CSMD3: variants seen among roughly 807,000 people sequenced by gnomAD.
The protein encoded by CSMD3 is CUB and sushi domain-containing protein 3.
Under a neutral mutation model 435.2 loss-of-function variants are expected in CSMD3, and 177 were observed. That is an observed-to-expected ratio of 0.41 (90% CI 0.36 to 0.46). The LOEUF (loss-of-function observed/expected upper bound fraction) is 0.46, where lower values mean the gene tolerates loss of function less well. Ranked by LOEUF, CSMD3 falls within the 20% of genes least tolerant of loss-of-function variation. CSMD3 has a pLI of 0.34. For missense variants in CSMD3, 4,265 were observed against 4,504.6 expected, an observed-to-expected ratio of 0.95 and a Z score of 1.52; for synonymous variants, 1,656 against 1,520.5, an observed-to-expected ratio of 1.09 and a Z score of -2.07.
intron 3 of CSMD3, among the ~76,000 whole-genome samples, chr8:113,270,184 A>G (rs1384905810): frequency 6.6e-6 from 1 of 152,174 alleles, no homozygotes; most frequent in African/African-American, 2.4e-5. Flanking sequence ...GAAGATATTT[A>G]TGTAGCCAAC....
intron 4 of CSMD3, among the ~76,000 whole-genome samples, chr8:113,156,331 T>A (rs908198433): frequency 6.6e-6 from 1 of 152,106 alleles, no homozygotes; most frequent in Non-Finnish European, 1.5e-5. Flanking sequence ...CAGACATTTT[T>A]AATAGAAACA....
chr8:112,302,649 G>A (rs1479245081), intron 52 of CSMD3, among the ~76,000 whole-genome samples: 1 of 151,898 alleles, frequency 6.6e-6, no homozygotes, highest in Non-Finnish European at 1.5e-5. Context: ...CTTGTATTAT[G>A]TACTAGGTGC....
chr8:113,055,305 C>T (rs532507852), intron 5 of CSMD3, among the ~76,000 whole-genome samples: 1 of 152,180 alleles, frequency 6.6e-6, no homozygotes, highest in Admixed American at 6.6e-5. Flanking sequence ...GTTAAGCCAC[C>T]GCGCCCGGCC....
intron 1 of CSMD3, among the ~76,000 whole-genome samples, chr8:113,401,514 T>C (rs1220110818): frequency 6.6e-6 from 1 of 151,678 alleles, no homozygotes. Flanking sequence ...TCGCCTACAT[T>C]TCACATATTG....
intron 5 of CSMD3, among the ~76,000 whole-genome samples, chr8:113,075,778 G>A (rs2089310321): frequency 6.6e-6 from 1 of 151,510 alleles, no homozygotes; most frequent in African/African-American, 2.4e-5. Flanking sequence ...GACCCTTATA[G>A]GAAAGCAAAT....
intron 22 of CSMD3, among the ~76,000 whole-genome samples, chr8:112,607,390 A>T (rs1832883611): frequency 6.6e-6 from 1 of 152,246 alleles, no homozygotes; most frequent in Admixed American, 6.5e-5. Context: ...TTCATTGTAG[A>T]ATTTTATTTA....
intron 5 of CSMD3, among the ~76,000 whole-genome samples, chr8:113,096,385 T>C (rs1287526075): frequency 6.6e-6 from 1 of 152,144 alleles, no homozygotes; most frequent in African/African-American, 2.4e-5. Context: ...TTTCTCCAAC[T>C]TCACATTTCA....
intron 13 of CSMD3, among the ~76,000 whole-genome samples, chr8:112,729,152 G>T: frequency 6.6e-6 from 1 of 151,954 alleles, no homozygotes; most frequent in East Asian, 1.9e-4. Context: ...AGATGATTTT[G>T]TCAAAGTACA....
Position 112,650,296 on chromosome 8 carries a change from G to A in CSMD3, c.3058C>T (p.Arg1020Cys), listed in dbSNP as rs771285913. 22 of 1,613,582 alleles carry A rather than the reference G, an allele frequency of 1.4e-5. No homozygotes were observed. The highest frequency in any genetic ancestry group is 4.0e-5 in the African/African-American group (3 of 74,846). ...ATGGAGAAATCATGACCATAGCGAC[G>A]GCCATGTACAGGTATGCCAGGGTCC... ...CLDPGIPVHG[R>C]RYGHDFSIGS... The change falls in exon 19 of 71, where the codon CGT (arginine) becomes TGT (cysteine). Residue 1020 changes from arginine (R) to cysteine (C), a missense_variant. By Grantham distance (180) the Arg-to-Cys change is radical (BLOSUM62 -3). Around this residue, in one of 3 missense-constraint regions of CSMD3, gnomAD observed 3,255 missense variants for 3,380.2 expected, o/e 0.96. Coordinates refer to ENST00000297405, the MANE Select transcript of CSMD3 (RefSeq NM_198123.2).
chr8:112,963,905 C>T (rs1192761049), intron 7 of CSMD3, among the ~76,000 whole-genome samples: 2 of 151,776 alleles, frequency 1.3e-5, no homozygotes, highest in East Asian at 1.9e-4. Context: ...AATAAGCTAC[C>T]TAAGACATTT....
chr8:112,900,001 T>C (rs2082067690), intron 10 of CSMD3, among the ~76,000 whole-genome samples: 1 of 151,232 alleles, frequency 6.6e-6, no homozygotes, highest in South Asian at 2.1e-4. Context: ...ATTTCTTATT[T>C]GTAATTCCTT....
chr8:113,365,563 A>G (rs2094305727), intron 1 of CSMD3, among the ~76,000 whole-genome samples: 1 of 152,042 alleles, frequency 6.6e-6, no homozygotes, highest in Non-Finnish European at 1.5e-5. Context: ...CTTATGTTGT[A>G]TTTTTAAACT....
chr8:112,865,133 G>A (rs1045275809), intron 10 of CSMD3, among the ~76,000 whole-genome samples: 1 of 152,154 alleles, frequency 6.6e-6, no homozygotes. Context: ...AACACATACA[G>A]TTAACCATGC....
chr8:112,401,673 G>T (rs951852761), intron 35 of CSMD3, among the ~76,000 whole-genome samples: 8 of 152,058 alleles, frequency 5.3e-5, no homozygotes, highest in Non-Finnish European at 7.4e-5. Context: ...TTAATTGGTG[G>T]AAATTTCACT....
At chr8:112,697,060 T>C (rs2076273952) in intron 13 of CSMD3, among the ~76,000 whole-genome samples, 1 of 149,734 alleles carries the variant, frequency 6.7e-6, no homozygotes, top group African/African-American at 2.5e-5. Flanking sequence ...TGGTGATCAT[T>C]AAAAAGTCAG....
chr8:113,027,660 T>C (rs181446612), intron 5 of CSMD3, among the ~76,000 whole-genome samples: 148 of 152,224 alleles, frequency 9.7e-4, no homozygotes, highest in Non-Finnish European at 1.6e-3. Flanking sequence ...TATTACAAAG[T>C]AGTTACAAAG....
intron 4 of CSMD3, among the ~76,000 whole-genome samples, chr8:113,171,352 A>C (rs2092264398): frequency 6.6e-6 from 1 of 152,138 alleles, no homozygotes; most frequent in Non-Finnish European, 1.5e-5. Flanking sequence ...ATCAGTATTC[A>C]GAATAAGGCC....
At chr8:112,495,537 A>C (rs1821248414) in intron 30 of CSMD3, among the ~76,000 whole-genome samples, 1 of 152,218 alleles carries the variant, frequency 6.6e-6, no homozygotes, top group South Asian at 2.1e-4. Flanking sequence ...TTATGTTTAC[A>C]TACTGCTTTA....
intron 3 of CSMD3, among the ~76,000 whole-genome samples, chr8:113,263,942 C>A (rs1267065899): frequency 6.6e-6 from 1 of 151,304 alleles, no homozygotes; most frequent in Non-Finnish European, 1.5e-5. Context: ...TAATGTATAG[C>A]CACCATATTA....
Sources: gnomAD v4.1 joint callset for allele counts (sites outside exome capture counted in the v4.1 genomes callset) on GRCh38, gnomAD v4.1.1 for gene constraint, gnomAD v4.1.1 regional missense constraint, MANE v1.5 for transcripts, NCBI Gene and HGNC (gene_info 2026-07-23, HGNC 2026-07-21) for gene names.